The following ABCA13 variants were observed in gnomAD, a reference collection of about 807,000 sequenced individuals.
The protein encoded by ABCA13 is ATP binding cassette subfamily A member 13.
In ABCA13, 476 loss-of-function variants were observed where a neutral mutation model predicts 478.7. That is an observed-to-expected ratio of 0.99 (90% CI 0.92 to 1.07). The LOEUF (loss-of-function observed/expected upper bound fraction) is 1.07. ABCA13 is among the 50% of genes least tolerant of loss of function. ABCA13 has a pLI of 0.00. For missense variants in ABCA13, 6,060 were observed against 5,910.6 expected (o/e 1.03, Z -0.83); for synonymous variants, 2,252 against 2,158.9 (o/e 1.04, Z -1.20).
intron 55 of ABCA13, among the ~76,000 whole-genome samples, chr7:48,547,513 G>A (rs1269605168): frequency 1.3e-5 from 2 of 151,860 alleles, no homozygotes; most frequent in East Asian, 3.8e-4. Context: ...TATTAGATGG[G>A]TTTCCCTGCT....
chr7:48,311,150 G>T (rs561751282), intron 24 of ABCA13, among the ~76,000 whole-genome samples: 3 of 152,056 alleles, frequency 2.0e-5, no homozygotes, highest in Admixed American at 6.6e-5. Flanking sequence ...CCTGAGTTTG[G>T]GTGAACAGTT....
At chr7:48,471,018 T>G (rs943687988) in intron 44 of ABCA13, among the ~76,000 whole-genome samples, 2 of 152,304 alleles carry the variant, frequency 1.3e-5, no homozygotes, top group African/African-American at 4.8e-5. Flanking sequence ...TACAAATGTG[T>G]TTTTGAACCA....
chr7:48,455,052 G>C lies in ABCA13; in HGVS notation c.12581G>C (p.Arg4194Pro), dbSNP rs983041837. 2 of 1,525,946 alleles carry C rather than the reference G, an allele frequency of 1.3e-6. No homozygotes were observed. Among genetic ancestry groups the C allele is most frequent in the African/African-American group, 2.8e-5 (2 of 72,640 alleles). 94.5% of individuals were successfully genotyped at this position (1,525,946 alleles called of 1,614,324 possible). A position where few individuals can be genotyped will look rare whatever the true frequency, so the allele number is the denominator to read the frequency against. Residue 4194 changes from arginine to proline, a missense_variant, in exon 43 of 62, where the codon CGG becomes CCG. This residue lies in a region of ABCA13 where 1,627 missense variants were observed against 1,571.0 expected (regional missense o/e 1.04). Transcript: ENST00000435803. ...HLSGYCGSLA[R>P]PATVQGVQLL... ...CGTCCTGCAGGTGGCTCCCTAGCACGGCCCGCAACTGTGCAGGGCGTCCAG... is the reference window on the plus strand; with the variant it reads ...CGTCCTGCAGGTGGCTCCCTAGCACCGCCCGCAACTGTGCAGGGCGTCCAG...
intron 43 of ABCA13, among the ~76,000 whole-genome samples, chr7:48,459,895 G>A (rs1286458477): frequency 6.6e-6 from 1 of 152,074 alleles, no homozygotes; most frequent in Non-Finnish European, 1.5e-5. Context: ...TCTGGGATGG[G>A]GCTCTTAGTC....
chr7:48,615,322 A>G lies in ABCA13; in HGVS notation c.14782A>G (p.Ile4928Val), dbSNP rs1181979836. 1.3e-6 allele frequency: 2 copies of G among 1,582,912 alleles called. No individual in the cohort carries two copies. Among genetic ancestry groups the G allele is most frequent in the Middle Eastern group, 1.7e-4 (1 of 6,018 alleles). The change falls in exon 59 of 62, where the codon ATA (isoleucine) becomes GTA (valine). Residue 4928 changes from isoleucine (I) to valine (V), a missense_variant. Ile to Val is a conservative substitution (Grantham distance 29). Coordinates refer to ENST00000435803, the MANE Select transcript of ABCA13 (RefSeq NM_152701.5). ...TGAGGCTCTTTGCACAAGACTGGCCATAATGGTTAACGGCAGCTTCAAATG... is the reference window on the plus strand; with the variant it reads ...TGAGGCTCTTTGCACAAGACTGGCCGTAATGGTTAACGGCAGCTTCAAATG... ...ECEALCTRLA[I>V]MVNGSFKCLG...
At chr7:48,307,172 A>G (rs1336191676) in intron 23 of ABCA13, among the ~76,000 whole-genome samples, 1 of 152,190 alleles carries the variant, frequency 6.6e-6, no homozygotes, top group African/African-American at 2.4e-5. Context: ...ATTCTGAGAA[A>G]TGCATCATTA....
At chr7:48,461,252 T>A (rs1167998679) in intron 43 of ABCA13, among the ~76,000 whole-genome samples, 1 of 152,172 alleles carries the variant, frequency 6.6e-6, no homozygotes. Context: ...TACAAAGTGC[T>A]GGCTGCCCCT....
At chr7:48,313,719 G>A (rs548718434) in intron 25 of ABCA13, among the ~76,000 whole-genome samples, 2 of 152,326 alleles carry the variant, frequency 1.3e-5, no homozygotes, top group South Asian at 2.1e-4. Context: ...GGATGGAACT[G>A]ACTGGGCACG....
At chr7:48,208,656 T>C (rs893306757) in intron 3 of ABCA13, among the ~76,000 whole-genome samples, 1 of 152,200 alleles carries the variant, frequency 6.6e-6, no homozygotes, top group African/African-American at 2.4e-5. Flanking sequence ...TTGTTAATTT[T>C]GTATCCTGCA....
intron 8 of ABCA13, 122 bp from the exon 9 acceptor site, chr7:48,239,115 CACTT>C (rs1482772465): frequency 3.1e-6 from 3 of 953,482 alleles, no homozygotes; most frequent in East Asian, 2.6e-5. Flanking sequence ...TAGATATCAT[CACTT>C]ACTTCTTCAA....
rs756165183 is a variant in ABCA13 at position 48,645,530 on chromosome 7, A to G, written c.*18A>G. On this transcript the variant is annotated 3_prime_UTR_variant, in exon 62 of 62. Transcript: ENST00000435803. ...CCATCTGAGCACTAAAGAAGTTTCC[A>G]TAAGGAATAAAACCTTGTCTTCCAT... 1.0e-5 allele frequency: 16 copies of G among 1,550,064 alleles called. No homozygotes were observed. Among genetic ancestry groups the G allele is most frequent in the Non-Finnish European group, 7.9e-6 (9 of 1,140,958 alleles).
chr7:48,403,419 C>T (rs1458246422), intron 38 of ABCA13, among the ~76,000 whole-genome samples: 1 of 152,224 alleles, frequency 6.6e-6, no homozygotes, highest in Non-Finnish European at 1.5e-5. Flanking sequence ...AGAGAGGAGA[C>T]AATGCAAGCA....
intron 55 of ABCA13, among the ~76,000 whole-genome samples, chr7:48,542,500 A>T (rs181935394): frequency 1.3e-5 from 2 of 151,706 alleles, no homozygotes; most frequent in Admixed American, 1.3e-4. Context: ...ACCCAAGAAG[A>T]TCAATTAAGA....
rs201716185 is a variant in ABCA13, at chr7:48,219,353, G to C, written c.288-1G>C. On this transcript the variant is annotated splice_acceptor_variant, in intron 3 of 61. Transcript: ENST00000435803. LOFTEE classifies it high-confidence loss of function. ...ACTTGCAGTATTTATTCTGTTTAAAGTTTGTCTAGGTTCCAAACTGCAGCT... is the reference window on the plus strand; with the variant it reads ...ACTTGCAGTATTTATTCTGTTTAAACTTTGTCTAGGTTCCAAACTGCAGCT... The C allele has an allele frequency of 4.1e-5, 65 of 1,604,468 alleles. No homozygotes were observed. The African/African-American group carries it at 8.0e-4, about 20-fold the overall frequency.
intron 58 of ABCA13, among the ~76,000 whole-genome samples, chr7:48,604,353 C>G (rs1198840049): frequency 6.6e-6 from 1 of 152,154 alleles, no homozygotes; most frequent in African/African-American, 2.4e-5. Context: ...TTCCAGCTTT[C>G]TCTTGTGGGC....
At position 48,298,355 on chromosome 7, in the gene ABCA13, T is replaced by G. The variant is rs778952160; in HGVS notation, c.9200-11T>G. ...TTATTACACAAATTTCTTATTTTCC[T>G]TACTTTGCAGATGTAAAAATAAAAG... On this transcript the variant is annotated splice_polypyrimidine_tract_variant and intron_variant, in intron 22 of 61. Coordinates refer to ENST00000435803, the MANE Select transcript of ABCA13 (RefSeq NM_152701.5). 4.4e-6 allele frequency: 7 copies of G among 1,596,834 alleles called. No individual in the cohort carries two copies. The highest frequency in any genetic ancestry group is 1.4e-5 in the African/African-American group (1 of 73,962).
In ABCA13 at chr7:48,279,247, A is replaced by C. The variant is rs771708249; in HGVS notation, c.8053A>C (p.Asn2685His). Residue 2685 changes from asparagine (N) to histidine (H), a missense_variant, in exon 18 of 62, where the codon AAT becomes CAT. Asn to His is a moderately conservative substitution (Grantham distance 68). Coordinates refer to ENST00000435803, the MANE Select transcript of ABCA13 (RefSeq NM_152701.5). ...AATTCTGGGTTGCTTAGTTCCTATA[A>C]ATAACATCACCAACCAAATGGACTT... is the stretch of plus-strand genomic sequence containing the variant. ...EEILGCLVPINNITNQMDFLY... is the reference protein window; with the variant it reads ...EEILGCLVPIHNITNQMDFLY... The C allele has an allele frequency of 3.1e-5, 50 of 1,589,158 alleles. No individual in the cohort carries two copies. The highest frequency in any genetic ancestry group is 4.1e-5 in the Non-Finnish European group (48 of 1,166,186).
chr7:48,418,420 C>A (rs183955703), intron 41 of ABCA13, among the ~76,000 whole-genome samples: 87 of 152,282 alleles, frequency 5.7e-4, no homozygotes, highest in Non-Finnish European at 5.9e-4. Flanking sequence ...CCTTAATTTG[C>A]ATTTTCCTGA....
chr7:48,295,194 T>A (rs1003673251), intron 20 of ABCA13, among the ~76,000 whole-genome samples: 1 of 152,180 alleles, frequency 6.6e-6, no homozygotes, highest in African/African-American at 2.4e-5. Context: ...CAACACTCGT[T>A]ATTTCTTGTC....
Sources: gnomAD v4.1 joint callset for allele counts (sites outside exome capture counted in the v4.1 genomes callset) on GRCh38, gnomAD v4.1.1 for gene constraint, gnomAD v4.1.1 regional missense constraint, MANE v1.5 for transcripts, NCBI Gene and HGNC (gene_info 2026-07-23, HGNC 2026-07-21) for gene names.